PADI4: variants seen among roughly 807,000 people sequenced by gnomAD.
PADI4 encodes protein-arginine deiminase type-4.
In PADI4, 62 loss-of-function variants were observed where a neutral mutation model predicts 75.0. That is an observed-to-expected ratio of 0.83 (90% confidence interval 0.67 to 1.02). The LOEUF is 1.02. Among genes scored for constraint, PADI4 ranks in the 50% least tolerant of loss-of-function variants. PADI4 has a pLI of 0.00. For missense variants in PADI4, 845 were observed against 850.5 expected (o/e 0.99, Z 0.08); for synonymous variants, 361 against 348.1 (o/e 1.04, Z -0.41).
chr1:17,308,695 C>T (rs954057838), intron 1 of PADI4, among the ~76,000 whole-genome samples: 9 of 152,170 alleles, frequency 5.9e-5, no homozygotes, highest in African/African-American at 2.2e-4. Context: ...GTTCACAGCA[C>T]AGTTTGTTAC....
At chr1:17,326,025 G>A (rs935460957) in intron 1 of PADI4, among the ~76,000 whole-genome samples, 2 of 151,966 alleles carry the variant, frequency 1.3e-5, no homozygotes, top group African/African-American at 4.8e-5. Context: ...ACTTTAAAGG[G>A]AAGGTTTTCA....
chr1:17,343,874 G>A lies in PADI4; in HGVS notation c.935+1472G>A, dbSNP rs187900895. 1.2e-3 allele frequency among the ~76,000 whole-genome samples: 177 copies of A among 152,212 alleles called. 2 individuals are homozygous for A. The highest frequency in any genetic ancestry group is 3.4e-3 in the African/African-American group (143 of 41,522). ...TCTCAGGTATGTTTTTATCAGCAGC[G>A]TGAAAATGGACTAATACAGTAAATT... On this transcript the variant is annotated intron_variant, in intron 8 of 15. Coordinates refer to ENST00000375448, the MANE Select transcript of PADI4 (RefSeq NM_012387.3).
intron 6 of PADI4, among the ~76,000 whole-genome samples, chr1:17,340,790 CTTTTT>C (rs138301211): frequency 0.04 from 5,066 of 126,870 alleles, 120 homozygotes; most frequent in Non-Finnish European, 0.06. Context: ...CTATTCCAAG[CTTTTT>C]TTTTTTTTTT....
intron 1 of PADI4, among the ~76,000 whole-genome samples, chr1:17,321,145 A>G (rs1557543808): frequency 1.3e-5 from 2 of 152,266 alleles, no homozygotes; most frequent in East Asian, 3.9e-4. Flanking sequence ...ATTCGATGGC[A>G]GAGAACCCAC....
intron 13 of PADI4, among the ~76,000 whole-genome samples, chr1:17,357,947 A>AG (rs796149170): frequency 6.7e-6 from 1 of 148,564 alleles, no homozygotes; most frequent in African/African-American, 2.5e-5. Flanking sequence ...AAAAAAAAAA[A>AG]CAAGAAAATA....
chr1:17,344,150 G>A (rs755769379), intron 8 of PADI4, among the ~76,000 whole-genome samples: 3 of 152,180 alleles, frequency 2.0e-5, no homozygotes, highest in Non-Finnish European at 4.4e-5. Flanking sequence ...CCGGAGCAAA[G>A]GTGACTCTTG....
Position 17,358,759 on chromosome 1 carries a change from T to TC in PADI4, c.1559-71dup, listed in dbSNP as rs149245951. On this transcript the variant is annotated intron_variant, in intron 13 of 15. Transcript: ENST00000375448. ...CCATTTTATAGATGGGAACACTGAG[T>TC]CCCCCCCCGGCACTGGCTGGGAAGA... 2.5e-3 allele frequency: 2,201 copies of TC among 866,754 alleles called. 13 individuals carry two copies. The highest frequency in any genetic ancestry group is 8.7e-3 in the African/African-American group (507 of 58,502). 53.7% of individuals were successfully genotyped at this position (866,754 alleles called of 1,614,324 possible).
At chr1:17,311,827 G>A (rs538468216) in intron 1 of PADI4, among the ~76,000 whole-genome samples, 1 of 152,048 alleles carries the variant, frequency 6.6e-6, no homozygotes, top group Admixed American at 6.6e-5. Context: ...GCCCAGCCGG[G>A]TTTCCTTCTG....
chr1:17,336,108 C>T (rs1308708597), intron 3 of PADI4, 51 bp from the exon 4 acceptor site: 5 of 1,345,442 alleles, frequency 3.7e-6, no homozygotes, highest in South Asian at 2.3e-5. Flanking sequence ...AGGCTGGGTG[C>T]CCCAACCCCG....
At chr1:17,314,497 G>A (rs1445508374) in intron 1 of PADI4, among the ~76,000 whole-genome samples, 1 of 152,222 alleles carries the variant, frequency 6.6e-6, no homozygotes, top group African/African-American at 2.4e-5. Context: ...CCCCTGGGCT[G>A]AGCTGTCTGC....
intron 2 of PADI4, among the ~76,000 whole-genome samples, chr1:17,332,938 T>C (rs1473969170): frequency 6.6e-6 from 1 of 151,976 alleles, no homozygotes; most frequent in Non-Finnish European, 1.5e-5. Flanking sequence ...ACTCTCTGGA[T>C]GAGAAAAGGG....
intron 1 of PADI4, among the ~76,000 whole-genome samples, chr1:17,310,213 C>A (rs574217543): frequency 2.6e-5 from 4 of 152,072 alleles, no homozygotes; most frequent in Non-Finnish European, 5.9e-5. Flanking sequence ...TGTTGTTATT[C>A]CCATTTTACA....
rs17852287 is a variant in PADI4, at chr1:17,347,982, G to A, written c.1089G>A (p.Thr363=). The A allele has an allele frequency of 4.6e-4, 732 of 1,605,512 alleles. 4 individuals are homozygous for A. The East Asian group carries it at 0.012, about 27-fold the overall frequency. The change falls in exon 10 of 16, where the codon ACG becomes ACA. Residue 363 remains threonine, a synonymous_variant. Transcript: ENST00000375448. ...GCTACATCCAAGCCCCACACAAAAC[G>A]CTGCCCGTGGTCTTCGACTCTCCAA... The part of the protein sequence containing the change: ...EIGYIQAPHK[T]LPVVFDSPRN...
chr1:17,337,844 G>A (rs890548777), intron 4 of PADI4, among the ~76,000 whole-genome samples, 194 bp from the exon 5 acceptor site: 2 of 152,176 alleles, frequency 1.3e-5, no homozygotes, highest in Non-Finnish European at 2.9e-5. Context: ...CAACCTGGGG[G>A]GTGGAGGTTG....
chr1:17,343,172 G>A (rs1268446484), intron 8 of PADI4, among the ~76,000 whole-genome samples: 1 of 152,122 alleles, frequency 6.6e-6, no homozygotes, highest in East Asian at 1.9e-4. Context: ...GGGCGACAGA[G>A]CAAGACTCCG....
chr1:17,352,113 CTG>C (rs1366004490), intron 10 of PADI4, among the ~76,000 whole-genome samples: 1 of 105,004 alleles, frequency 9.5e-6, no homozygotes, highest in Non-Finnish European at 1.9e-5. Flanking sequence ...GTAGGAGAGA[CTG>C]TGGTCAGAGA....
At chr1:17,361,053 C>G (rs1057146738) in intron 15 of PADI4, among the ~76,000 whole-genome samples, 36 of 152,246 alleles carry the variant, frequency 2.4e-4, no homozygotes, top group South Asian at 2.1e-4. Context: ...CCAGCCACCC[C>G]CTTCTTCTGG....
intron 1 of PADI4, among the ~76,000 whole-genome samples, chr1:17,312,286 C>G (rs1287583563): frequency 1.3e-5 from 2 of 151,766 alleles, no homozygotes; most frequent in Non-Finnish European, 2.9e-5. Context: ...ATGGTGAAAC[C>G]CCATCTCTAC....
Position 17,356,250 on chromosome 1 carries a change from G to T in PADI4, c.1456-107G>T. On this transcript the variant is annotated intron_variant, in intron 12 of 15. Transcript: ENST00000375448. The surrounding 1 kb of genome is among the most constrained non-coding windows in gnomAD (Gnocchi z 4.1). Reference sequence around the variant, plus strand: ...CCCTTAGGATGGCAGTAGAGGAGGTGGCCAGCTTGGGTCCAAGTCCACACT... The same window carrying T: ...CCCTTAGGATGGCAGTAGAGGAGGTTGCCAGCTTGGGTCCAAGTCCACACT... 7.7e-7 allele frequency: 1 copy of T among 1,300,156 alleles called. No individual in the cohort carries two copies. Among genetic ancestry groups the T allele is most frequent in the South Asian group, 1.4e-5 (1 of 72,802 alleles). 80.5% of individuals were successfully genotyped at this position (1,300,156 alleles called of 1,614,324 possible).
Sources: allele counts gnomAD v4.1 joint callset (sites outside exome capture counted in the v4.1 genomes callset), GRCh38; gene constraint gnomAD v4.1.1; non-coding constraint Gnocchi (gnomAD v3.1); transcripts MANE v1.5; gene names NCBI Gene and HGNC (gene_info 2026-07-23, HGNC 2026-07-21).